FBXO31: variants seen among roughly 807,000 people sequenced by gnomAD.
FBXO31 encodes F-box protein 31.
FBXO31 carries 24 observed loss-of-function variants against 54.4 expected under a neutral mutation model. The observed-to-expected ratio is 0.44, with a 90% CI of 0.32 to 0.62. FBXO31 has a LOEUF of 0.62. Among genes scored for constraint, FBXO31 ranks in the 20% least tolerant of loss-of-function variants. FBXO31 has a pLI of 0.05. For missense variants in FBXO31, 665 were observed against 787.1 expected (o/e 0.84, Z 1.86); for synonymous variants, 388 against 335.6 (o/e 1.16, Z -1.71).
At position 87,346,633 on chromosome 16, in the gene FBXO31, G is replaced by T. The variant is rs965975131; in HGVS notation, c.489+541C>A. Among the ~76,000 whole-genome samples, 4 of 152,154 alleles carry T rather than the reference G, an allele frequency of 2.6e-5. No homozygotes were observed. Among genetic ancestry groups the T allele is most frequent in the African/African-American group, 9.7e-5 (4 of 41,436 alleles). Reference sequence around the variant, plus strand: ...GACTCTGCCACCAGCCTGGACTTCCGCCTGCAACGTTCTAGCACTTTCTAG... The same window carrying T: ...GACTCTGCCACCAGCCTGGACTTCCTCCTGCAACGTTCTAGCACTTTCTAG... On this transcript the variant is annotated intron_variant, in intron 3 of 8. Coordinates refer to ENST00000311635, the MANE Select transcript of FBXO31 (RefSeq NM_024735.5). The surrounding 1 kb of genome is among the most constrained non-coding windows in gnomAD (Gnocchi z 4.2).
At chr16:87,376,555 A>AT (rs1295077101) in intron 1 of FBXO31, among the ~76,000 whole-genome samples, 1 of 152,172 alleles carries the variant, frequency 6.6e-6, no homozygotes, top group African/African-American at 2.4e-5. Flanking sequence ...GATTACAGGT[A>AT]TGAGACACCA....
intron 2 of FBXO31, among the ~76,000 whole-genome samples, chr16:87,355,005 T>C (rs1567621623): frequency 6.6e-6 from 1 of 151,938 alleles, no homozygotes; most frequent in Non-Finnish European, 1.5e-5. Context: ...TCCTCAACAT[T>C]AGGGTCCCAG....
upstream of FBXO31, among the ~76,000 whole-genome samples, chr16:87,391,049 A>C (rs1231256321): frequency 1.3e-5 from 2 of 152,216 alleles, no homozygotes; most frequent in African/African-American, 4.8e-5. Context: ...TTAGATGTTA[A>C]AGAACAAAAA....
intron 1 of FBXO31, among the ~76,000 whole-genome samples, chr16:87,366,445 G>A (rs1906372298): frequency 6.6e-6 from 1 of 152,172 alleles, no homozygotes; most frequent in African/African-American, 2.4e-5. Context: ...CCAGACAGAG[G>A]TGAAGAGAGC....
chr16:87,356,820 A>C (rs1905912509), intron 2 of FBXO31, among the ~76,000 whole-genome samples: 1 of 152,190 alleles, frequency 6.6e-6, no homozygotes, highest in Admixed American at 6.5e-5. Context: ...GGTGGACTGA[A>C]AGCAGTAGTA....
chr16:87,347,182 T>C lies in FBXO31; in HGVS notation c.481A>G (p.Asn161Asp), dbSNP rs1199302419. Reference sequence around the variant, plus strand: ...GAGGCTCCGGGACTTACCACCACGTTCAGCAGTCCTCCGTATGGCCCGATA... The same window carrying C: ...GAGGCTCCGGGACTTACCACCACGTCCAGCAGTCCTCCGTATGGCCCGATA... The part of the protein sequence containing the change: ...PDIGPYGGLL[N>D]VVVDGLFIIG... The change falls in exon 3 of 9, where the codon AAC becomes GAC. Residue 161 changes from asparagine to aspartate, a missense_variant. Around this residue, in one of 4 missense-constraint regions of FBXO31, gnomAD observed 234 missense variants for 346.8 expected, o/e 0.67. Coordinates refer to ENST00000311635, the MANE Select transcript of FBXO31 (RefSeq NM_024735.5). 6.2e-7 allele frequency: 1 copy of C among 1,613,916 alleles called. No homozygotes were observed. The highest frequency in any genetic ancestry group is 8.5e-7 in the Non-Finnish European group (1 of 1,179,986).
upstream of FBXO31, among the ~76,000 whole-genome samples, chr16:87,390,914 A>G (rs1176687379): frequency 1.3e-5 from 2 of 152,224 alleles, no homozygotes; most frequent in African/African-American, 2.4e-5. Flanking sequence ...CATGTTTTGT[A>G]TGATTCAAGC....
At chr16:87,375,415 C>T (rs1906780795) in intron 1 of FBXO31, among the ~76,000 whole-genome samples, 1 of 152,082 alleles carries the variant, frequency 6.6e-6, no homozygotes, top group Non-Finnish European at 1.5e-5. Context: ...TGCTTGAACC[C>T]GGGAGGTAGA....
At chr16:87,363,875 C>T (rs1038735373) in intron 1 of FBXO31, among the ~76,000 whole-genome samples, 1 of 152,168 alleles carries the variant, frequency 6.6e-6, no homozygotes, top group African/African-American at 2.4e-5. Context: ...AGGAACTGGA[C>T]CGGATCATCT....
intron 8 of FBXO31, among the ~76,000 whole-genome samples, chr16:87,331,906 A>G (rs1428231021): frequency 1.3e-5 from 2 of 152,216 alleles, no homozygotes; most frequent in African/African-American, 4.8e-5. Flanking sequence ...AAGGAGGCCC[A>G]ATGTGAAAAA....
Position 87,338,152 on chromosome 16 carries a change from A to G in FBXO31, c.733-1888T>C, listed in dbSNP as rs1905087325. ...AGAGGTCCAAGCAACGGGACCACCAACCAGACCCTGTTACCCAGAATAAGG... is the reference window on the plus strand; with the variant it reads ...AGAGGTCCAAGCAACGGGACCACCAGCCAGACCCTGTTACCCAGAATAAGG... On this transcript the variant is annotated intron_variant, in intron 5 of 8. Coordinates refer to ENST00000311635, the MANE Select transcript of FBXO31 (RefSeq NM_024735.5). The surrounding 1 kb of genome is among the most constrained non-coding windows in gnomAD (Gnocchi z 4.3). Among the ~76,000 whole-genome samples, 1 of 151,998 alleles carries G rather than the reference A, an allele frequency of 6.6e-6. No individual in the cohort carries two copies. Among genetic ancestry groups the G allele is most frequent in the African/African-American group, 2.4e-5 (1 of 41,362 alleles).
chr16:87,383,827 C>G, upstream of FBXO31: 1 of 1,003,098 alleles, frequency 1.0e-6, no homozygotes, highest in Non-Finnish European at 1.2e-6. The surrounding 1 kb of genome is among the most constrained non-coding windows in gnomAD (Gnocchi z 4.9). Flanking sequence ...CACGCCCCCG[C>G]CGCAGAGCTC....
At chr16:87,349,190 A>G (rs989504506) in intron 2 of FBXO31, among the ~76,000 whole-genome samples, 2 of 152,262 alleles carry the variant, frequency 1.3e-5, no homozygotes, top group Non-Finnish European at 2.9e-5. Context: ...AAATGATTCC[A>G]AAGTCCATGT....
upstream of FBXO31, among the ~76,000 whole-genome samples, chr16:87,385,266 G>A (rs530791368): frequency 3.3e-5 from 5 of 152,246 alleles, no homozygotes; most frequent in South Asian, 1.0e-3. Context: ...AGACCATCCT[G>A]GCTAACACGG....
chr16:87,350,852 C>T (rs1199977499), intron 2 of FBXO31, among the ~76,000 whole-genome samples: 1 of 152,226 alleles, frequency 6.6e-6, no homozygotes, highest in Non-Finnish European at 1.5e-5. Flanking sequence ...TGGGAGTTCC[C>T]TGTTGTGCTG....
At position 87,346,655 on chromosome 16, in the gene FBXO31, C is replaced by T. The variant is rs553392271; in HGVS notation, c.489+519G>A. Among the ~76,000 whole-genome samples the T allele has an allele frequency of 4.6e-5, 7 of 152,338 alleles. No homozygotes were observed. Among genetic ancestry groups the T allele is most frequent in the African/African-American group, 1.7e-4 (7 of 41,572 alleles). On this transcript the variant is annotated intron_variant, in intron 3 of 8. Coordinates refer to ENST00000311635, the MANE Select transcript of FBXO31 (RefSeq NM_024735.5). The surrounding 1 kb of genome is among the most constrained non-coding windows in gnomAD (Gnocchi z 4.2). ...TCCGCCTGCAACGTTCTAGCACTTT[C>T]TAGCAGGGGCCAGCCACCTGCCCAG...
In FBXO31 at chr16:87,346,736, CA is replaced by C. The variant is rs1905403944; in HGVS notation, c.489+437del. 6.6e-6 allele frequency among the ~76,000 whole-genome samples: 1 copy of C among 152,174 alleles called. No individual in the cohort carries two copies. Among genetic ancestry groups the C allele is most frequent in the Non-Finnish European group, 1.5e-5 (1 of 68,024 alleles). ...TTCGAGAGGCTCCAGTAGGAGGGCA[CA>C]GGGGGCGGGAGGCAGGGTGGTCAGA... On this transcript the variant is annotated intron_variant, in intron 3 of 8. Coordinates refer to ENST00000311635, the MANE Select transcript of FBXO31 (RefSeq NM_024735.5). The surrounding 1 kb of genome is among the most constrained non-coding windows in gnomAD (Gnocchi z 4.2).
chr16:87,360,617 A>G lies in FBXO31; in HGVS notation c.341-251T>C, dbSNP rs1402674020. On this transcript the variant is annotated intron_variant, in intron 1 of 8. Coordinates refer to ENST00000311635, the MANE Select transcript of FBXO31 (RefSeq NM_024735.5). ...ATAATAATCTGCAATGTCTATTCTA[A>G]TAAGCTCTAGAAGCCTAACCACACA... Among the ~76,000 whole-genome samples the G allele has an allele frequency of 2.6e-5, 4 of 152,242 alleles. No individual in the cohort carries two copies. The South Asian group carries it at 8.3e-4, about 32-fold the overall frequency.
At position 87,353,541 on chromosome 16, in the gene FBXO31, G is replaced by A. The variant is rs1018742840; in HGVS notation, c.413-6291C>T. Among the ~76,000 whole-genome samples the A allele has an allele frequency of 2.6e-5, 4 of 152,246 alleles. No homozygotes were observed. The East Asian group carries it at 7.7e-4, about 29-fold the overall frequency. ...GAAGACAGAGACTCAGAGACAGAGG[G>A]GGCCACGTGGGGACAGAGGCAGGGG... On this transcript the variant is annotated intron_variant, in intron 2 of 8. Transcript: ENST00000311635.
Sources: allele counts gnomAD v4.1 joint callset (sites outside exome capture counted in the v4.1 genomes callset), GRCh38; gene constraint gnomAD v4.1.1; regional missense constraint gnomAD v4.1.1; non-coding constraint Gnocchi (gnomAD v3.1); transcripts MANE v1.5; gene names NCBI Gene and HGNC (gene_info 2026-07-23, HGNC 2026-07-21).